TTC34: variants seen among roughly 807,000 people sequenced by gnomAD.
TTC34 encodes tetratricopeptide repeat domain 34.
In TTC34, 44 loss-of-function variants were observed where a neutral mutation model predicts 40.7. The observed-to-expected ratio is 1.08, with a 90% CI of 0.85 to 1.39. The LOEUF (loss-of-function observed/expected upper bound fraction) is 1.39, where lower values mean the gene tolerates loss of function less well. Ranked by LOEUF, TTC34 falls within the 40% of genes most tolerant of loss-of-function variation. The probability of loss-of-function intolerance (pLI) is 0.00; values close to 1 mark genes in which losing one functional copy is unlikely to be tolerated. For synonymous variants in TTC34, 422 were observed against 398.6 expected (o/e 1.06, Z -0.70); for missense variants, 884 against 838.0 (o/e 1.05, Z -0.68).
chr1:2,756,674 TGA>T (rs1641517221), intron 6 of TTC34, among the ~76,000 whole-genome samples: 23 of 8,320 alleles, frequency 2.8e-3, no homozygotes, highest in South Asian at 5.4e-3. Flanking sequence ...CACCCCCAGG[TGA>T]GCAGCTGAAA....
chr1:2,643,317 T>C (rs1031753167), intron 8 of TTC34, among the ~76,000 whole-genome samples: 2 of 152,230 alleles, frequency 1.3e-5, no homozygotes, highest in Non-Finnish European at 2.9e-5. Flanking sequence ...TTTCGCGTCC[T>C]GCAGATTCTT....
At chr1:2,749,054 A>C (rs1641234505) in intron 6 of TTC34, among the ~76,000 whole-genome samples, 2 of 144,922 alleles carry the variant, frequency 1.4e-5, no homozygotes, top group Non-Finnish European at 3.0e-5. Context: ...CCAGGTGAGA[A>C]TCCGACAGCC....
At chr1:2,673,450 C>T (rs1186782504) in intron 6 of TTC34, among the ~76,000 whole-genome samples, 1 of 80,620 alleles carries the variant, frequency 1.2e-5, no homozygotes, top group South Asian at 3.2e-4. Context: ...AGGTGAGCAT[C>T]TGACAGCCTG....
chr1:2,681,182 G>T (rs796184183), intron 6 of TTC34, among the ~76,000 whole-genome samples: 1 of 72,768 alleles, frequency 1.4e-5, no homozygotes, highest in Admixed American at 1.3e-4. Flanking sequence ...CAGCACCCAC[G>T]CCCACAGGCG....
chr1:2,789,517 G>A (rs1485026252), exon 3 of TTC34: 6 of 1,503,172 alleles, frequency 4.0e-6, no homozygotes, highest in Admixed American at 4.2e-5. Context: ...CCTGCGTGGT[G>A]GGGCCGCCCG....
chr1:2,691,791 C>T (rs1390497332), intron 6 of TTC34, among the ~76,000 whole-genome samples: 65 of 74,466 alleles, frequency 8.7e-4, no homozygotes, highest in East Asian at 2.2e-3. Context: ...CACCCCCAGG[C>T]GAGCATCCGA....
At chr1:2,750,236 A>AC (rs1641270465) in intron 6 of TTC34, among the ~76,000 whole-genome samples, 9 of 151,826 alleles carry the variant, frequency 5.9e-5, no homozygotes, top group South Asian at 2.1e-4. Flanking sequence ...CTGGAGCAGC[A>AC]CCCACACCCA....
chr1:2,640,797 C>G (rs919628624), exon 9 of TTC34: 1 of 151,584 alleles, frequency 6.6e-6, no homozygotes, highest in African/African-American at 2.4e-5. Context: ...GATCCCAGGC[C>G]AGGGACGAGA....
chr1:2,644,248 G>A lies in TTC34; in HGVS notation c.2712+16C>T. On this transcript the variant is annotated intron_variant, in intron 8 of 8. Coordinates refer to ENST00000401095, the Ensembl canonical transcript of TTC34. ...GGGAAGGTTGGGGTGGGAGATCTGT[G>A]GGGTTCTTTGGGCACCTGGGCAAGG... The A allele has an allele frequency of 1.3e-6, 2 of 1,528,608 alleles. No homozygotes were observed. The highest frequency in any genetic ancestry group is 1.8e-6 in the Non-Finnish European group (2 of 1,141,934). 94.7% of individuals were successfully genotyped at this position (1,528,608 alleles called of 1,614,324 possible). A position where few individuals can be genotyped will look rare whatever the true frequency, so the allele number is the denominator to read the frequency against.
At chr1:2,782,855 G>C (rs1422185749) in intron 6 of TTC34, among the ~76,000 whole-genome samples, 1 of 152,198 alleles carries the variant, frequency 6.6e-6, no homozygotes. Flanking sequence ...GGGCTCCAGG[G>C]ACAGTGCTCA....
In TTC34 at chr1:2,796,649, A is replaced by C. The variant is rs1643712122; in HGVS notation, c.784+3395T>G. Among the ~76,000 whole-genome samples the C allele has an allele frequency of 6.6e-6, 1 of 152,172 alleles. No individual in the cohort carries two copies. The highest frequency in any genetic ancestry group is 2.4e-5 in the African/African-American group (1 of 41,526). On this transcript the variant is annotated intron_variant, in intron 2 of 8. Transcript: ENST00000401095. The surrounding 1 kb of genome is among the most constrained non-coding windows in gnomAD (Gnocchi z 4.5). ...CATGCCCTGCCCCTGCGTGATCATT[A>C]AAGTGGAAGGCCCCCTCCCTCCTGG...
rs1387050804 is a variant in TTC34, at chr1:2,641,898, G to C, written c.2713-3C>G. The stretch of plus-strand genomic sequence containing the variant: ...GTGCCGGCTTCCTGGGCCGCCGCCT[G>C]CACAGAGGACACAGAGAGAGGCAGG... On this transcript the variant is annotated splice_region_variant and splice_polypyrimidine_tract_variant and intron_variant, in intron 8 of 8. Coordinates refer to ENST00000401095, the Ensembl canonical transcript of TTC34. 1 of 1,473,370 alleles carries C rather than the reference G, an allele frequency of 6.8e-7. No homozygotes were observed. Among genetic ancestry groups the C allele is most frequent in the African/African-American group, 1.4e-5 (1 of 71,184 alleles). The allele number at this position is 1,473,370 out of a possible 1,614,324, so 91.3% of individuals were successfully genotyped here. A position where few individuals can be genotyped will look rare whatever the true frequency, so the allele number is the denominator to read the frequency against.
At chr1:2,785,757 C>T in intron 5 of TTC34, 62 bp downstream of exon 5, 1 of 1,479,012 alleles carries the variant, frequency 6.8e-7, no homozygotes, top group South Asian at 1.3e-5. Flanking sequence ...ATGGCAGAGA[C>T]TCCCCATGTC....
chr1:2,643,965 C>CT (rs1300380133), intron 8 of TTC34, among the ~76,000 whole-genome samples: 1 of 152,258 alleles, frequency 6.6e-6, no homozygotes, highest in Non-Finnish European at 1.5e-5. Context: ...CAAGGTGCCC[C>CT]TGGCTGGCTC....
intron 6 of TTC34, among the ~76,000 whole-genome samples, chr1:2,696,408 A>C (rs1640868280): frequency 2.9e-5 from 2 of 69,974 alleles, no homozygotes; most frequent in South Asian, 4.7e-4. Flanking sequence ...CCCCCAGGGG[A>C]GCATCCGACA....
intron 6 of TTC34, among the ~76,000 whole-genome samples, chr1:2,691,582 T>C (rs1343836006): frequency 0.022 from 1,231 of 55,386 alleles, no homozygotes; most frequent in African/African-American, 0.04. Flanking sequence ...AGCACCCACA[T>C]GCCCAGGTGA....
At chr1:2,694,900 C>T (rs1202478517) in intron 6 of TTC34, among the ~76,000 whole-genome samples, 2 of 107,494 alleles carry the variant, frequency 1.9e-5, no homozygotes, top group East Asian at 2.5e-4. Context: ...CAGCCTGGAA[C>T]AGCACCCACA....
intron 6 of TTC34, among the ~76,000 whole-genome samples, chr1:2,751,275 C>T (rs1641310080): frequency 1.7e-5 from 2 of 121,140 alleles, no homozygotes; most frequent in African/African-American, 3.6e-5. Flanking sequence ...CAGCCTGGAA[C>T]AGCACCCACA....
chr1:2,683,333 C>G (rs1190597864), intron 6 of TTC34, among the ~76,000 whole-genome samples: 6 of 147,788 alleles, frequency 4.1e-5, no homozygotes, highest in South Asian at 2.1e-4. Flanking sequence ...ATCTGACAGA[C>G]TGGAACACCA....
Sources: allele counts gnomAD v4.1 joint callset (sites outside exome capture counted in the v4.1 genomes callset), GRCh38; gene constraint gnomAD v4.1.1; non-coding constraint Gnocchi (gnomAD v3.1); transcripts MANE v1.5; gene names NCBI Gene and HGNC (gene_info 2026-07-23, HGNC 2026-07-21).